DZANK1: variants seen among roughly 807,000 people sequenced by gnomAD.
DZANK1 encodes double zinc ribbon and ankyrin repeat-containing protein 1.
Under a neutral mutation model 94.5 loss-of-function variants are expected in DZANK1, and 91 were observed. That is an observed-to-expected ratio of 0.96 (90% CI 0.81 to 1.15). The LOEUF (loss-of-function observed/expected upper bound fraction) is 1.15. Ranked by LOEUF, DZANK1 falls within the 50% of genes most tolerant of loss-of-function variation. The probability of loss-of-function intolerance (pLI) is 0.00; values close to 1 mark genes in which losing one functional copy is unlikely to be tolerated. For synonymous variants in DZANK1, 312 were observed against 325.3 expected (o/e 0.96, Z 0.44); for missense variants, 903 against 916.4 (o/e 0.99, Z 0.19).
At chr20:18,397,810 A>C (rs755005708) in intron 14 of DZANK1, among the ~76,000 whole-genome samples, 9 of 152,168 alleles carry the variant, frequency 5.9e-5, no homozygotes, top group Admixed American at 2.0e-4. Context: ...TGGCGCACCT[A>C]CATGCGGCCA....
chr20:18,385,002 G>A lies in DZANK1; in HGVS notation c.2093+14C>T. On this transcript the variant is annotated intron_variant, in intron 20 of 20. Coordinates refer to ENST00000262547, the Ensembl canonical transcript of DZANK1. ...TGGCCCTCAAAAGTATCCATCAGAG[G>A]CCAGGGGACATACCCCAGTAAAGTG... is the stretch of plus-strand genomic sequence containing the variant. 1 of 1,551,576 alleles carries A rather than the reference G, an allele frequency of 6.4e-7. No individual in the cohort carries two copies.
chr20:18,390,282 T>C, intron 18 of DZANK1, 97 bp downstream of exon 18: 1 of 1,153,214 alleles, frequency 8.7e-7, no homozygotes, highest in Non-Finnish European at 1.3e-6. Context: ...GGCAGTGTAA[T>C]TTTCACAGTA....
intron 8 of DZANK1, among the ~76,000 whole-genome samples, chr20:18,436,542 C>G (rs1463432839): frequency 1.3e-5 from 2 of 151,636 alleles, no homozygotes; most frequent in Non-Finnish European, 1.5e-5. Flanking sequence ...CAGAAATTAT[C>G]TAATCTGAAG....
chr20:18,401,135 C>T (rs2056655617), intron 13 of DZANK1, among the ~76,000 whole-genome samples: 1 of 152,076 alleles, frequency 6.6e-6, no homozygotes, highest in South Asian at 2.1e-4. Context: ...TGGGGTTTTG[C>T]TATGTTGGCC....
At chr20:18,462,646 C>G (rs1007350062) in intron 2 of DZANK1, among the ~76,000 whole-genome samples, 1 of 152,092 alleles carries the variant, frequency 6.6e-6, no homozygotes, top group African/African-American at 2.4e-5. Flanking sequence ...ACACTATTGG[C>G]AGGGATGTAA....
chr20:18,419,941 C>T (rs143696325), intron 10 of DZANK1, among the ~76,000 whole-genome samples: 1 of 151,248 alleles, frequency 6.6e-6, no homozygotes, highest in Non-Finnish European at 1.5e-5. Flanking sequence ...TCTTAATTCC[C>T]TTACAAGCCC....
intron 13 of DZANK1, among the ~76,000 whole-genome samples, chr20:18,409,750 G>T (rs1478279874): frequency 6.6e-6 from 1 of 152,066 alleles, no homozygotes; most frequent in African/African-American, 2.4e-5. Flanking sequence ...ATAGAAATAA[G>T]ATATATTGAC....
At chr20:18,433,511 C>T (rs1344587038) in intron 9 of DZANK1, 141 bp downstream of exon 9, 2 of 691,570 alleles carry the variant, frequency 2.9e-6, no homozygotes, top group East Asian at 2.8e-5. Context: ...TACTGCACTC[C>T]AGCCTGTGTG....
intron 7 of DZANK1, among the ~76,000 whole-genome samples, chr20:18,445,091 G>A (rs6136380): frequency 0.11 from 17,073 of 152,092 alleles, 1,499 homozygotes; most frequent in East Asian, 0.51. Context: ...ACAGGCGTGA[G>A]CCACCGCGCC....
intron 8 of DZANK1, among the ~76,000 whole-genome samples, chr20:18,438,939 A>G (rs2058631757): frequency 6.6e-6 from 1 of 152,148 alleles, no homozygotes; most frequent in African/African-American, 2.4e-5. Context: ...CAAAGACCCA[A>G]CCTTCTAACA....
At chr20:18,434,405 C>T (rs986285527) in intron 8 of DZANK1, among the ~76,000 whole-genome samples, 1 of 151,706 alleles carries the variant, frequency 6.6e-6, no homozygotes, top group East Asian at 1.9e-4. Flanking sequence ...ATTAGCTGGG[C>T]GTAGTGGCGG....
At chr20:18,448,736 G>A (rs551232343) in intron 7 of DZANK1, among the ~76,000 whole-genome samples, 22 of 151,998 alleles carry the variant, frequency 1.4e-4, no homozygotes, top group African/African-American at 2.4e-4. Flanking sequence ...GCGTGGTGGC[G>A]CGTGCCTGTA....
rs76792924 is a variant in DZANK1 at position 18,461,135 on chromosome 20, C to T, written c.110-829G>A. 3.8e-3 allele frequency among the ~76,000 whole-genome samples: 583 copies of T among 152,298 alleles called. 7 individuals are homozygous for T. The South Asian group carries it at 0.04, about 10-fold the overall frequency. ...ACAGTGAAAAGTCTCCCCCAACCCA[C>T]GACACCAGCTTCCCAGAGGTTATCA... On this transcript the variant is annotated intron_variant, in intron 2 of 20. Coordinates refer to ENST00000262547, the Ensembl canonical transcript of DZANK1.
At chr20:18,432,891 A>G (rs2058341000) in intron 9 of DZANK1, 1 of 152,220 alleles carries the variant, frequency 6.6e-6, no homozygotes, top group South Asian at 2.1e-4. Context: ...TCATTTTTTG[A>G]GCAAAGTTTT....
At chr20:18,430,357 C>A (rs2058234912) in intron 9 of DZANK1, among the ~76,000 whole-genome samples, 1 of 152,144 alleles carries the variant, frequency 6.6e-6, no homozygotes, top group Admixed American at 6.6e-5. Flanking sequence ...CAGACCTAAG[C>A]CTCATAAATT....
intron 19 of DZANK1, among the ~76,000 whole-genome samples, chr20:18,387,395 T>C (rs2048569035): frequency 6.6e-6 from 1 of 152,202 alleles, no homozygotes; most frequent in African/African-American, 2.4e-5. Context: ...ATACAAACAA[T>C]TCAAACTATT....
rs2059142169 is a variant in DZANK1 at position 18,452,609 on chromosome 20, A to G, written c.543+6T>C. On this transcript the variant is annotated splice_donor_region_variant and intron_variant, in intron 6 of 20. Coordinates refer to ENST00000262547, the Ensembl canonical transcript of DZANK1. ...GAATACCCTAAAGATTGTCCTTAGA[A>G]GTTACCTGGGACTGGCGGGTGGGTG... is the stretch of plus-strand genomic sequence containing the variant. The G allele has an allele frequency of 1.2e-6, 2 of 1,604,944 alleles. No homozygotes were observed. Among genetic ancestry groups the G allele is most frequent in the African/African-American group, 2.7e-5 (2 of 74,458 alleles).
chr20:18,402,604 C>T (rs2148337911), intron 13 of DZANK1, among the ~76,000 whole-genome samples: 1 of 152,238 alleles, frequency 6.6e-6, no homozygotes, highest in African/African-American at 2.4e-5. Context: ...GTATAAGCCC[C>T]ACATTAAGGG....
intron 6 of DZANK1, among the ~76,000 whole-genome samples, chr20:18,449,781 A>T (rs2059027936): frequency 6.7e-6 from 1 of 148,498 alleles, no homozygotes; most frequent in African/African-American, 2.5e-5. Flanking sequence ...AAAAGTAAAA[A>T]TAAATAAATA....
Sources: gnomAD v4.1 joint callset for allele counts (sites outside exome capture counted in the v4.1 genomes callset) on GRCh38, gnomAD v4.1.1 for gene constraint, MANE v1.5 for transcripts, NCBI Gene and HGNC (gene_info 2026-07-23, HGNC 2026-07-21) for gene names.